The following ZDHHC21 variants were observed in gnomAD, a reference collection of about 807,000 sequenced individuals.
ZDHHC21 encodes zDHHC palmitoyltransferase 21, also known as palmitoyltransferase ZDHHC21.
Under a neutral mutation model 34.6 loss-of-function variants are expected in ZDHHC21, and 15 were observed. The ratio of observed to expected loss-of-function variants is 0.43; its 90% confidence interval spans 0.29 to 0.67. The LOEUF is 0.67. ZDHHC21 is among the 30% of genes least tolerant of loss of function. The pLI is 0.14. For synonymous variants in ZDHHC21, 142 were observed against 101.8 expected (o/e 1.40, Z -2.38); for missense variants, 344 against 327.7 (o/e 1.05, Z -0.38).
the ZDHHC21 span, among the ~76,000 whole-genome samples, chr9:14,600,788 G>A: frequency 2.4e-4 from 37 of 152,228 alleles, no homozygotes; most frequent in African/African-American, 8.4e-4. Flanking sequence ...GCATGGTACT[G>A]GTATGAAAAC....
At chr9:14,628,183 C>CT (rs1449716019) in intron 8 of ZDHHC21, among the ~76,000 whole-genome samples, 8 of 152,098 alleles carry the variant, frequency 5.3e-5, no homozygotes, top group Non-Finnish European at 8.8e-5. Context: ...GTGTTGAAAT[C>CT]TTTTAACCTT....
At chr9:14,659,033 C>T (rs1832879260) in intron 6 of ZDHHC21, 146 bp from the exon 7 acceptor site, 1 of 748,194 alleles carries the variant, frequency 1.3e-6, no homozygotes. Flanking sequence ...TAAAAACAAA[C>T]TATACAGAGA....
Position 14,674,207 on chromosome 9 carries a change from A to G in ZDHHC21, c.134T>C (p.Ile45Thr). 1 of 1,542,356 alleles carries G rather than the reference A, an allele frequency of 6.5e-7. No homozygotes were observed. Among genetic ancestry groups the G allele is most frequent in the Non-Finnish European group, 8.7e-7 (1 of 1,151,466 alleles). The change falls in exon 4 of 10, where the codon ATT becomes ACT. Residue 45 changes from isoleucine to threonine, a missense_variant. Coordinates refer to ENST00000380916, the MANE Select transcript of ZDHHC21 (RefSeq NM_178566.6). ...CTTACTTATTATTAATATGCCTGGA[A>G]TATGTCCTTCTTCATAGTGAGGAAA... ...VLFPHYEEGH[I>T]PGILIIIFYG...
At chr9:14,608,202 C>T (rs1823079480), downstream of ZDHHC21, among the ~76,000 whole-genome samples, 1 of 152,126 alleles carries the variant, frequency 6.6e-6, no homozygotes, top group Admixed American at 6.6e-5. Flanking sequence ...CTTGTTGGTC[C>T]TGACTTCAGC....
At chr9:14,641,838 CTGT>C (rs138423820) in intron 7 of ZDHHC21, among the ~76,000 whole-genome samples, 2,771 of 152,200 alleles carry the variant, frequency 0.018, 87 homozygotes, top group African/African-American at 0.063. Context: ...TAAAAGAGTG[CTGT>C]TGTTTTTATT....
At chr9:14,624,133 A>G (rs1196789122) in intron 8 of ZDHHC21, among the ~76,000 whole-genome samples, 1 of 152,138 alleles carries the variant, frequency 6.6e-6, no homozygotes, top group Non-Finnish European at 1.5e-5. Context: ...TTAAAATAAT[A>G]TAGTTTAACA....
chr9:14,657,467 T>C (rs1377720071), intron 7 of ZDHHC21, among the ~76,000 whole-genome samples: 2 of 151,544 alleles, frequency 1.3e-5, no homozygotes, highest in Admixed American at 1.3e-4. Context: ...GGTATGTCTG[T>C]TTACAAAGAC....
chr9:14,682,789 A>G (rs1837608893), intron 2 of ZDHHC21, among the ~76,000 whole-genome samples: 1 of 152,238 alleles, frequency 6.6e-6, no homozygotes. Context: ...AGTTAGAAGT[A>G]AAGCACTTCT....
chr9:14,653,157 T>TATGG (rs1831555973), intron 7 of ZDHHC21, among the ~76,000 whole-genome samples: 1 of 151,934 alleles, frequency 6.6e-6, no homozygotes, highest in Non-Finnish European at 1.5e-5. Context: ...ATAGAAAGGA[T>TATGG]AATAAGATGA....
chr9:14,658,701 G>A (rs754128870), intron 7 of ZDHHC21, 48 bp downstream of exon 7: 3 of 1,533,122 alleles, frequency 2.0e-6, no homozygotes, highest in African/African-American at 1.4e-5. Flanking sequence ...TCGATCTCCT[G>A]ACCTCGTGAT....
chr9:14,611,598 T>C lies in ZDHHC21; in HGVS notation c.*7368A>G, dbSNP rs1823310027. The C allele has an allele frequency of 6.6e-6, 1 of 152,012 alleles. No individual in the cohort carries two copies. Among genetic ancestry groups the C allele is most frequent in the Non-Finnish European group, 1.5e-5 (1 of 67,944 alleles). The allele number at this position is 152,012 out of a possible 1,614,324, so 9.4% of individuals were successfully genotyped here. A position where few individuals can be genotyped will look rare whatever the true frequency, so the allele number is the denominator to read the frequency against. The stretch of plus-strand genomic sequence containing the variant: ...TTGTAACATACCACTATTAAAAGCA[T>C]TTTAGGGATATAATACTAGACAGAA... On this transcript the variant is annotated 3_prime_UTR_variant, in exon 10 of 10. Coordinates refer to ENST00000380916, the MANE Select transcript of ZDHHC21 (RefSeq NM_178566.6).
intron 7 of ZDHHC21, among the ~76,000 whole-genome samples, chr9:14,656,155 G>A (rs1327935882): frequency 6.6e-6 from 1 of 151,742 alleles, no homozygotes; most frequent in African/African-American, 2.4e-5. Context: ...TGAAATGACT[G>A]GAATTCATTT....
chr9:14,688,916 T>G (rs557014540), intron 2 of ZDHHC21, among the ~76,000 whole-genome samples: 1 of 152,082 alleles, frequency 6.6e-6, no homozygotes, highest in Admixed American at 6.5e-5. Flanking sequence ...TGGTGGCACA[T>G]GCCTGTAGTC....
At chr9:14,641,994 T>A (rs1417256887) in intron 7 of ZDHHC21, among the ~76,000 whole-genome samples, 1 of 152,152 alleles carries the variant, frequency 6.6e-6, no homozygotes, top group Non-Finnish European at 1.5e-5. Context: ...AAAATTACCA[T>A]CTATGACCAA....
intron 7 of ZDHHC21, among the ~76,000 whole-genome samples, chr9:14,652,027 T>C (rs780220064): frequency 3.9e-5 from 6 of 151,942 alleles, no homozygotes; most frequent in Non-Finnish European, 5.9e-5. Flanking sequence ...ACTGGAATGA[T>C]AAATGCAAAT....
intron 2 of ZDHHC21, among the ~76,000 whole-genome samples, chr9:14,681,229 CTT>C (rs781315880): frequency 2.0e-5 from 3 of 152,030 alleles, no homozygotes; most frequent in African/African-American, 7.2e-5. Flanking sequence ...CTATTTTACT[CTT>C]TTTTATTTTT....
In ZDHHC21 at chr9:14,640,102, A is replaced by G. The variant is rs1829061073; in HGVS notation, c.505-90T>C. The G allele has an allele frequency of 4.8e-6, 3 of 628,908 alleles. No individual in the cohort carries two copies. In the South Asian group the frequency reaches 7.7e-5, roughly 16 times the overall value. 39.0% of individuals were successfully genotyped at this position (628,908 alleles called of 1,614,324 possible). A position where few individuals can be genotyped will look rare whatever the true frequency, so the allele number is the denominator to read the frequency against. On this transcript the variant is annotated intron_variant, in intron 7 of 9. Transcript: ENST00000380916. ...ATAATCAAGAATTGAGCCATAACAC[A>G]TCTTCCTTATTATCTTAAAAGAACT...
At chr9:14,631,960 T>C (rs921186959) in intron 8 of ZDHHC21, among the ~76,000 whole-genome samples, 2 of 152,036 alleles carry the variant, frequency 1.3e-5, no homozygotes, top group Admixed American at 6.6e-5. Context: ...TACCAAACTG[T>C]GGCACAGAAA....
intron 7 of ZDHHC21, among the ~76,000 whole-genome samples, chr9:14,650,157 G>A (rs9298701): frequency 0.96 from 145,235 of 152,032 alleles, 69,412 homozygotes; most frequent in Middle Eastern, 0.99. Context: ...CTCACTAAAA[G>A]CGTAGAGATA....
Sources: gnomAD v4.1 joint callset for allele counts (sites outside exome capture counted in the v4.1 genomes callset) on GRCh38, gnomAD v4.1.1 for gene constraint, MANE v1.5 for transcripts, NCBI Gene and HGNC (gene_info 2026-07-23, HGNC 2026-07-21) for gene names.